EHBP1: variants seen among roughly 807,000 people sequenced by gnomAD.
The protein encoded by EHBP1 is EH domain-binding protein 1.
In EHBP1, 55 loss-of-function variants were observed where a neutral mutation model predicts 144.0. The ratio of observed to expected loss-of-function variants is 0.38; its 90% CI spans 0.31 to 0.48. EHBP1 has a LOEUF of 0.48. Ranked by LOEUF, EHBP1 falls within the 20% of genes least tolerant of loss-of-function variation. EHBP1 has a pLI of 0.98. For missense variants in EHBP1, 1,200 were observed against 1,364.2 expected (o/e 0.88, Z 1.90); for synonymous variants, 469 against 472.7 (o/e 0.99, Z 0.10).
chr2:62,839,628 A>G (rs1332932685), intron 7 of EHBP1, among the ~76,000 whole-genome samples: 1 of 149,484 alleles, frequency 6.7e-6, no homozygotes, highest in Non-Finnish European at 1.5e-5. Context: ...TAAGCTGATA[A>G]GCAACTTCAG....
At chr2:62,769,838 A>G (rs1445466824) in intron 4 of EHBP1, among the ~76,000 whole-genome samples, 1 of 151,644 alleles carries the variant, frequency 6.6e-6, no homozygotes, top group Non-Finnish European at 1.5e-5. Context: ...GACTAATGGA[A>G]CAGAATAGAT....
intron 10 of EHBP1, among the ~76,000 whole-genome samples, chr2:62,927,750 G>C (rs967692594): frequency 2.0e-5 from 3 of 152,162 alleles, no homozygotes; most frequent in African/African-American, 7.2e-5. Flanking sequence ...GGACAACACA[G>C]TATGTGAACT....
chr2:62,761,654 CT>C (rs2040779971), intron 3 of EHBP1, among the ~76,000 whole-genome samples: 1 of 152,056 alleles, frequency 6.6e-6, no homozygotes, highest in Admixed American at 6.6e-5. Context: ...ACTGTAACTT[CT>C]TTTTCTATTA....
intron 2 of EHBP1, among the ~76,000 whole-genome samples, chr2:62,727,330 T>A (rs754756860): frequency 1.9e-4 from 29 of 152,112 alleles, no homozygotes; most frequent in Non-Finnish European, 1.5e-5. Flanking sequence ...GTATAACTCA[T>A]GTACTAAACA....
intron 1 of EHBP1, among the ~76,000 whole-genome samples, chr2:62,691,399 C>T (rs1204547728): frequency 6.6e-6 from 1 of 152,208 alleles, no homozygotes; most frequent in Non-Finnish European, 1.5e-5. Flanking sequence ...GAAAGGCACA[C>T]TCCCTCCCTT....
intron 3 of EHBP1, among the ~76,000 whole-genome samples, chr2:62,754,771 G>A (rs964153774): frequency 3.9e-5 from 6 of 152,224 alleles, no homozygotes; most frequent in Non-Finnish European, 8.8e-5. Flanking sequence ...CTCTGTGGGC[G>A]TGGGACCCTC....
At chr2:62,776,475 A>G (rs1209944047) in intron 5 of EHBP1, among the ~76,000 whole-genome samples, 3 of 152,236 alleles carry the variant, frequency 2.0e-5, no homozygotes, top group African/African-American at 7.2e-5. Flanking sequence ...TAGAGGACAC[A>G]GAAGAATATA....
intron 5 of EHBP1, among the ~76,000 whole-genome samples, chr2:62,797,271 T>C (rs1472073468): frequency 6.6e-6 from 1 of 152,198 alleles, no homozygotes; most frequent in Non-Finnish European, 1.5e-5. Flanking sequence ...TGTATTATAA[T>C]TTGAGCACCA....
intron 5 of EHBP1, among the ~76,000 whole-genome samples, chr2:62,814,420 C>T (rs571595074): frequency 6.6e-6 from 1 of 152,374 alleles, no homozygotes; most frequent in South Asian, 2.1e-4. Flanking sequence ...TTGTAAATTA[C>T]TCAGTCTCTG....
chr2:62,794,444 A>G (rs1355093659), intron 5 of EHBP1, among the ~76,000 whole-genome samples: 2 of 152,072 alleles, frequency 1.3e-5, no homozygotes, highest in Non-Finnish European at 2.9e-5. Flanking sequence ...TTATGTATTC[A>G]TATATTAAGT....
chr2:62,809,245 C>T (rs945042668), intron 5 of EHBP1, among the ~76,000 whole-genome samples: 5 of 146,432 alleles, frequency 3.4e-5, no homozygotes, highest in East Asian at 2.1e-4. Context: ...GAGCCAAGAT[C>T]GCGCCATTGC....
intron 5 of EHBP1, among the ~76,000 whole-genome samples, chr2:62,804,250 A>G (rs941051731): frequency 3.3e-5 from 5 of 152,218 alleles, no homozygotes; most frequent in South Asian, 2.1e-4. Flanking sequence ...GAGCTTTGCT[A>G]TGTTAAAGAG....
intron 10 of EHBP1, among the ~76,000 whole-genome samples, chr2:62,892,673 C>A (rs1386576849): frequency 6.6e-6 from 1 of 152,002 alleles, no homozygotes; most frequent in Non-Finnish European, 1.5e-5. Flanking sequence ...CATTGCAGCC[C>A]ATGCTATTCT....
In EHBP1 at chr2:62,948,506, A is replaced by G. The variant is rs761233767; in HGVS notation, c.1660A>G (p.Ser554Gly). The G allele has an allele frequency of 2.5e-6, 4 of 1,614,090 alleles. No homozygotes were observed. In the Admixed American group the frequency reaches 5.0e-5, roughly 20 times the overall value. ...TCAAGAAAAATTCTATGCAGAGCTT[A>G]GTGATCTGAAGCGGGAGCCTGAACT... is the stretch of plus-strand genomic sequence containing the variant. ...VDQEKFYAEL[S>G]DLKREPELQQ... is the part of the protein sequence containing the mutation. Residue 554 changes from serine (S) to glycine (G), a missense_variant, in exon 13 of 23, where the codon AGT (serine) becomes GGT (glycine). Coordinates refer to ENST00000431489, the MANE Select transcript of EHBP1 (RefSeq NM_001142616.3).
At chr2:62,943,405 T>C (rs965725941) in intron 11 of EHBP1, among the ~76,000 whole-genome samples, 1 of 150,368 alleles carries the variant, frequency 6.7e-6, no homozygotes, top group African/African-American at 2.4e-5. Context: ...AAAAAATGGT[T>C]TTTCTCCTTA....
chr2:62,824,942 A>G (rs549735783), intron 5 of EHBP1, among the ~76,000 whole-genome samples: 68 of 152,094 alleles, frequency 4.5e-4, no homozygotes, highest in African/African-American at 1.5e-3. Context: ...TGGTTTGAAA[A>G]TTGAATAATT....
intron 5 of EHBP1, among the ~76,000 whole-genome samples, chr2:62,814,481 A>C (rs941875156): frequency 2.0e-5 from 3 of 152,256 alleles, no homozygotes; most frequent in African/African-American, 7.2e-5. Context: ...GCATTAATCT[A>C]CTCACATATT....
intron 2 of EHBP1, among the ~76,000 whole-genome samples, chr2:62,712,206 CCATT>C (rs1430974218): frequency 6.6e-6 from 1 of 152,020 alleles, no homozygotes; most frequent in Non-Finnish European, 1.5e-5. Context: ...GAAGCAGGGA[CCATT>C]CATTGTTACA....
chr2:62,850,364 G>A (rs892239803), intron 7 of EHBP1, among the ~76,000 whole-genome samples: 9 of 152,026 alleles, frequency 5.9e-5, no homozygotes, highest in Non-Finnish European at 7.4e-5. Context: ...GTCACTTGTC[G>A]TGCTGCCATC....
Sources: gnomAD v4.1 joint callset for allele counts (sites outside exome capture counted in the v4.1 genomes callset) on GRCh38, gnomAD v4.1.1 for gene constraint, MANE v1.5 for transcripts, NCBI Gene and HGNC (gene_info 2026-07-23, HGNC 2026-07-21) for gene names.